The following TLN2 variants were observed in gnomAD, a reference collection of about 807,000 sequenced individuals.
TLN2 encodes talin-2.
A neutral mutation model predicts 294.7 loss-of-function variants in TLN2; 118 were observed. The ratio of observed to expected loss-of-function variants is 0.40; its 90% confidence interval spans 0.34 to 0.47. The LOEUF (loss-of-function observed/expected upper bound fraction) is 0.47. Among genes scored for constraint, TLN2 ranks in the 20% least tolerant of loss-of-function variants. The pLI is 0.84. For missense variants in TLN2, 3,083 were observed against 3,282.2 expected (o/e 0.94, Z 1.48); for synonymous variants, 1,431 against 1,304.5 (o/e 1.10, Z -2.09).
intron 1 of TLN2, among the ~76,000 whole-genome samples, chr15:62,572,623 G>A (rs2043980774): frequency 1.3e-5 from 2 of 152,204 alleles, no homozygotes; most frequent in Admixed American, 1.3e-4. Flanking sequence ...AGTTCTGGAT[G>A]TACGTAAAAA....
intron 48 of TLN2, among the ~76,000 whole-genome samples, chr15:62,799,339 TTTA>T (rs982769083): frequency 2.6e-5 from 4 of 152,170 alleles, no homozygotes; most frequent in East Asian, 1.9e-4. Context: ...GGAAAATGTT[TTTA>T]TTATTATAGA....
chr15:62,760,435 G>GT lies in TLN2; in HGVS notation c.4639-1236dup, dbSNP rs367835176. 4.5e-3 allele frequency among the ~76,000 whole-genome samples: 664 copies of GT among 148,832 alleles called. 3 individuals carry two copies. Among genetic ancestry groups the GT allele is most frequent in the African/African-American group, 0.013 (519 of 40,618 alleles). On this transcript the variant is annotated intron_variant, in intron 37 of 58. Transcript: ENST00000636159. ...TTTGCTTGGTAATGCCAGTGCCCCT[G>GT]TTTTTTTTTTATCCCAATTGTCTAA...
chr15:62,582,085 C>CTAA (rs2045099886), intron 1 of TLN2, among the ~76,000 whole-genome samples: 1 of 151,348 alleles, frequency 6.6e-6, no homozygotes, highest in Admixed American at 6.6e-5. Flanking sequence ...GAATGGTGGA[C>CTAA]TAATCACTGG....
intron 3 of TLN2, among the ~76,000 whole-genome samples, chr15:62,640,931 G>A (rs1311746271): frequency 6.6e-6 from 1 of 151,868 alleles, no homozygotes; most frequent in Non-Finnish European, 1.5e-5. Context: ...CCTCCTGGGT[G>A]GCTGGGATTA....
At chr15:62,447,683 C>T (rs1409835108) in intron 1 of TLN2, among the ~76,000 whole-genome samples, 2 of 151,952 alleles carry the variant, frequency 1.3e-5, no homozygotes, top group African/African-American at 4.8e-5. Context: ...TTAGTAGAGA[C>T]AGGGTTTCAC....
intron 54 of TLN2, among the ~76,000 whole-genome samples, chr15:62,825,019 A>G (rs556664335): frequency 6.6e-6 from 1 of 152,324 alleles, no homozygotes; most frequent in African/African-American, 2.4e-5. Context: ...GCATAGTGAC[A>G]GGGTCACCAA....
Position 62,826,990 on chromosome 15 carries a change from C to G in TLN2, c.7002+6380C>G, listed in dbSNP as rs556188283. Among the ~76,000 whole-genome samples the G allele has an allele frequency of 2.4e-3, 371 of 152,312 alleles. 1 individual carries two copies. The highest frequency in any genetic ancestry group is 4.3e-3 in the Non-Finnish European group (293 of 68,026). ...GCCTGAGACCCCACTGGAAAGATGA[C>G]ACGGGTGGTTCTTCAGTTTGTGGAG... On this transcript the variant is annotated intron_variant, in intron 54 of 58. Coordinates refer to ENST00000636159, the MANE Select transcript of TLN2 (RefSeq NM_015059.3).
chr15:62,663,784 G>A (rs1382088550), intron 9 of TLN2, among the ~76,000 whole-genome samples: 1 of 151,998 alleles, frequency 6.6e-6, no homozygotes, highest in Non-Finnish European at 1.5e-5. Context: ...GGAAGTCTGA[G>A]TAAATGCTAT....
Position 62,835,931 on chromosome 15 carries a change from C to G in TLN2, c.7232C>G (p.Ala2411Gly), listed in dbSNP as rs1017374120. 1 of 1,614,082 alleles carries G rather than the reference C, an allele frequency of 6.2e-7. No homozygotes were observed. The highest frequency in any genetic ancestry group is 8.5e-7 in the Non-Finnish European group (1 of 1,180,042). The change falls in exon 57 of 59, where the codon GCG (alanine) becomes GGG (glycine). Residue 2411 changes from alanine (A) to glycine (G), a missense_variant. Coordinates refer to ENST00000636159, the MANE Select transcript of TLN2 (RefSeq NM_015059.3). ...GCTGCGACCAGCAGTCTCTGTGAGG[C>G]GGCCAATGCCTCCGTTCAGGGACAC... The part of the protein sequence containing the change: ...VAAATSSLCE[A>G]ANASVQGHAS...
chr15:62,662,636 C>T (rs748209920), intron 9 of TLN2, among the ~76,000 whole-genome samples: 1 of 152,110 alleles, frequency 6.6e-6, no homozygotes, highest in Non-Finnish European at 1.5e-5. Context: ...ACACTAGACA[C>T]TGGAGATACA....
At chr15:62,775,235 TG>T (rs2063630623) in intron 42 of TLN2, among the ~76,000 whole-genome samples, 1 of 107,898 alleles carries the variant, frequency 9.3e-6, no homozygotes, top group Non-Finnish European at 2.3e-5. Context: ...TTTTTGTGTC[TG>T]TAACAGTCAT....
intron 30 of TLN2, 78 bp downstream of exon 30, chr15:62,738,411 A>C: frequency 6.6e-7 from 1 of 1,504,398 alleles, no homozygotes; most frequent in Admixed American, 1.9e-5. Context: ...TCTTCTCTCC[A>C]TGAGATCTCT....
At chr15:62,659,155 C>A (rs1017745617) in intron 9 of TLN2, among the ~76,000 whole-genome samples, 1 of 152,152 alleles carries the variant, frequency 6.6e-6, no homozygotes, top group Non-Finnish European at 1.5e-5. Flanking sequence ...TTCTCCATAG[C>A]CCAGGGGCAA....
chr15:62,472,109 C>T (rs2037511699), intron 1 of TLN2, among the ~76,000 whole-genome samples: 1 of 152,142 alleles, frequency 6.6e-6, no homozygotes, highest in South Asian at 2.1e-4. Flanking sequence ...TCCCATGCAC[C>T]CACCCCCATG....
intron 1 of TLN2, among the ~76,000 whole-genome samples, chr15:62,468,936 C>T (rs1021123087): frequency 3.9e-5 from 6 of 152,222 alleles, no homozygotes; most frequent in African/African-American, 7.2e-5. Context: ...AGAACACCTA[C>T]GAATACAGCA....
At chr15:62,493,834 C>A (rs1458634366) in intron 1 of TLN2, among the ~76,000 whole-genome samples, 1 of 152,126 alleles carries the variant, frequency 6.6e-6, no homozygotes, top group Non-Finnish European at 1.5e-5. Flanking sequence ...TGGTCTCGAT[C>A]TCCTGACCTC....
chr15:62,748,768 C>G (rs1036581180), intron 33 of TLN2, among the ~76,000 whole-genome samples: 4 of 152,148 alleles, frequency 2.6e-5, no homozygotes, highest in South Asian at 2.1e-4. Flanking sequence ...TGAAGATCAG[C>G]AATTTTTACC....
chr15:62,587,101 AG>A (rs1411110431), intron 1 of TLN2, among the ~76,000 whole-genome samples: 1 of 152,232 alleles, frequency 6.6e-6, no homozygotes, highest in Non-Finnish European at 1.5e-5. Context: ...ACCCAAAGGC[AG>A]GGGTGACATG....
intron 1 of TLN2, among the ~76,000 whole-genome samples, chr15:62,564,267 A>T (rs2043207238): frequency 6.6e-6 from 1 of 152,136 alleles, no homozygotes. Flanking sequence ...GCTTCTCCCC[A>T]AGCAAGACAG....
Sources: gnomAD v4.1 joint callset for allele counts (sites outside exome capture counted in the v4.1 genomes callset) on GRCh38, gnomAD v4.1.1 for gene constraint, MANE v1.5 for transcripts, NCBI Gene and HGNC (gene_info 2026-07-23, HGNC 2026-07-21) for gene names.